CNTN4: variants seen among roughly 807,000 people sequenced by gnomAD.
CNTN4 encodes contactin-4.
In CNTN4, 77 loss-of-function variants were observed where a neutral mutation model predicts 122.5. That is an observed-to-expected ratio of 0.63 (90% confidence interval 0.52 to 0.76). CNTN4 has a LOEUF of 0.76. Ranked by LOEUF, CNTN4 falls within the 30% of genes least tolerant of loss-of-function variation. The pLI, the probability that CNTN4 is intolerant of heterozygous loss-of-function variation, is 0.00. For missense variants in CNTN4, 1,256 were observed against 1,259.1 expected, an observed-to-expected ratio of 1.00 and a Z score of 0.04; for synonymous variants, 512 against 447.0, an observed-to-expected ratio of 1.15 and a Z score of -1.83.
At chr3:2,900,301 A>T (rs2094158868) in intron 10 of CNTN4, among the ~76,000 whole-genome samples, 1 of 152,200 alleles carries the variant, frequency 6.6e-6, no homozygotes, top group South Asian at 2.1e-4. Flanking sequence ...CTGCAAAGCA[A>T]TCTGGCAAAT....
rs1250358742 is a variant in CNTN4 at position 2,269,911 on chromosome 3, T to C, written c.-144-69267T>C. On this transcript the variant is annotated intron_variant, in intron 2 of 24. Transcript: ENST00000418658. ...CTATTATAGCCAGTTTGTTTGTTTG[T>C]TTGTTTATTTATTTATTTATTTATT... is the stretch of plus-strand genomic sequence containing the variant. Among the ~76,000 whole-genome samples the C allele has an allele frequency of 7.8e-5, 3 of 38,688 alleles. 1 individual carries two copies. The highest frequency in any genetic ancestry group is 8.1e-4 in the Admixed American group (2 of 2,470). 25.4% of individuals were successfully genotyped at this position (38,688 alleles called of 152,430 possible).
chr3:3,046,617 T>G (rs1353508963), intron 23 of CNTN4, among the ~76,000 whole-genome samples: 2 of 152,034 alleles, frequency 1.3e-5, no homozygotes, highest in Non-Finnish European at 2.9e-5. Flanking sequence ...CTAAAAGTGC[T>G]CCTGAAGGAA....
chr3:2,475,688 A>G (rs1377512635), intron 3 of CNTN4, among the ~76,000 whole-genome samples: 1 of 152,156 alleles, frequency 6.6e-6, no homozygotes, highest in Non-Finnish European at 1.5e-5. Context: ...TTCAGGATGC[A>G]CTTGCCTGCC....
chr3:2,230,324 C>T (rs996270978), intron 2 of CNTN4, among the ~76,000 whole-genome samples: 31 of 152,288 alleles, frequency 2.0e-4, no homozygotes, highest in African/African-American at 5.3e-4. Context: ...ATATACCTTG[C>T]GTGATTTTCC....
At chr3:2,166,915 A>G (rs541326534) in intron 2 of CNTN4, among the ~76,000 whole-genome samples, 1 of 152,326 alleles carries the variant, frequency 6.6e-6, no homozygotes, top group South Asian at 2.1e-4. Context: ...GAAAGCTTCG[A>G]TAGTAGAGTA....
At chr3:2,614,177 CAA>C (rs1393398318) in intron 4 of CNTN4, among the ~76,000 whole-genome samples, 1 of 151,992 alleles carries the variant, frequency 6.6e-6, no homozygotes, top group African/African-American at 2.4e-5. Context: ...ATCTAAATGA[CAA>C]CAAGGAGCCA....
chr3:3,053,481 A>G (rs894003247), intron 23 of CNTN4, among the ~76,000 whole-genome samples: 8 of 152,254 alleles, frequency 5.3e-5, no homozygotes, highest in African/African-American at 1.7e-4. Context: ...ACCGATGTGT[A>G]ACTGAGCACT....
At chr3:2,260,052 T>C (rs915172839) in intron 2 of CNTN4, among the ~76,000 whole-genome samples, 8 of 152,158 alleles carry the variant, frequency 5.3e-5, no homozygotes, top group African/African-American at 1.9e-4. Context: ...TACACTGAAA[T>C]AAGATCCTTG....
chr3:2,887,127 G>C lies in CNTN4; in HGVS notation c.843G>C (p.Glu281Asp). The change falls in exon 10 of 25, where the codon GAG (glutamate) becomes GAC (aspartate). Residue 281 changes from glutamate to aspartate, a missense_variant. Coordinates refer to ENST00000418658, the MANE Select transcript of CNTN4 (RefSeq NM_175607.3). ...ARRHKSNGIL[E>D]IPNFQQEDAG... ...GACACAAGTCAAATGGAATTCTTGA[G>C]ATCCCTAATTTTCAGCAGGAGGATG... 1 of 1,614,122 alleles carries C rather than the reference G, an allele frequency of 6.2e-7. No homozygotes were observed.
At chr3:2,122,476 A>G (rs1479402619) in intron 2 of CNTN4, among the ~76,000 whole-genome samples, 1 of 152,204 alleles carries the variant, frequency 6.6e-6, no homozygotes, top group African/African-American at 2.4e-5. Flanking sequence ...CTTCCCTGCG[A>G]AGAGTATTTA....
At chr3:2,562,626 T>A (rs2079004473) in intron 3 of CNTN4, among the ~76,000 whole-genome samples, 1 of 152,168 alleles carries the variant, frequency 6.6e-6, no homozygotes, top group Non-Finnish European at 1.5e-5. Context: ...TAATCCACCA[T>A]CGATGGGCAC....
At chr3:2,813,272 T>C (rs2092654409) in intron 6 of CNTN4, among the ~76,000 whole-genome samples, 1 of 152,220 alleles carries the variant, frequency 6.6e-6, no homozygotes, top group Non-Finnish European at 1.5e-5. Flanking sequence ...TTTTTCCAAG[T>C]TGATGTTCAT....
At chr3:2,569,667 A>C (rs1367639945) in intron 3 of CNTN4, among the ~76,000 whole-genome samples, 1 of 152,080 alleles carries the variant, frequency 6.6e-6, no homozygotes, top group Non-Finnish European at 1.5e-5. Flanking sequence ...AACAAGATTC[A>C]AAGAGAGGCT....
At chr3:2,813,760 A>T (rs571329378) in intron 6 of CNTN4, among the ~76,000 whole-genome samples, 2 of 152,178 alleles carry the variant, frequency 1.3e-5, no homozygotes, top group South Asian at 4.1e-4. Flanking sequence ...TCAGGTATTT[A>T]TGGTAAGATA....
intron 4 of CNTN4, among the ~76,000 whole-genome samples, chr3:2,721,785 C>T (rs1043903886): frequency 6.6e-6 from 1 of 152,160 alleles, no homozygotes; most frequent in African/African-American, 2.4e-5. Flanking sequence ...ACTGTCAACT[C>T]TATTTGCTAT....
rs770621802 is a variant in CNTN4 at position 2,180,225 on chromosome 3, T to A, written c.-145+79586T>A. 5.2e-4 allele frequency among the ~76,000 whole-genome samples: 79 copies of A among 152,164 alleles called. 2 individuals are homozygous for A. The highest frequency in any genetic ancestry group is 1.7e-3 in the South Asian group (8 of 4,824). On this transcript the variant is annotated intron_variant, in intron 2 of 24. Coordinates refer to ENST00000418658, the MANE Select transcript of CNTN4 (RefSeq NM_175607.3). ...TTTCTTTTTAAATTAAAATGTTTTCTAGAAGGATAGGGATGGAACTAACAT... is the reference window on the plus strand; with the variant it reads ...TTTCTTTTTAAATTAAAATGTTTTCAAGAAGGATAGGGATGGAACTAACAT...
intron 2 of CNTN4, among the ~76,000 whole-genome samples, chr3:2,145,542 CAGAT>C (rs1381271501): frequency 6.6e-6 from 1 of 152,088 alleles, no homozygotes; most frequent in East Asian, 1.9e-4. Context: ...AGCAAGAAGA[CAGAT>C]AGGAAAGGAC....
At position 2,627,575 on chromosome 3, in the gene CNTN4, G is replaced by C. The variant is rs565478929; in HGVS notation, c.55+56017G>C. 5.9e-4 allele frequency among the ~76,000 whole-genome samples: 87 copies of C among 146,514 alleles called. No individual in the cohort carries two copies. The East Asian group carries it at 8.3e-3, about 14-fold the overall frequency. ...GTAGCGCAATCTCGGCTCACTGCAA[G>C]CTCCGCCTCCTGGGTTCAGGCCATT... On this transcript the variant is annotated intron_variant, in intron 4 of 24. Transcript: ENST00000418658.
intron 14 of CNTN4, among the ~76,000 whole-genome samples, chr3:2,990,847 G>A (rs1261689594): frequency 6.6e-6 from 1 of 152,084 alleles, no homozygotes; most frequent in Non-Finnish European, 1.5e-5. Context: ...GTAAGTATAG[G>A]ATATAGTTTT....
Sources: allele counts gnomAD v4.1 joint callset (sites outside exome capture counted in the v4.1 genomes callset), GRCh38; gene constraint gnomAD v4.1.1; transcripts MANE v1.5; gene names NCBI Gene and HGNC (gene_info 2026-07-23, HGNC 2026-07-21).